The following SND1 variants were observed in gnomAD, a reference collection of about 807,000 sequenced individuals.
SND1 encodes staphylococcal nuclease domain-containing protein 1.
A neutral mutation model predicts 121.7 loss-of-function variants in SND1; 38 were observed. The observed-to-expected ratio is 0.31, with a 90% CI of 0.24 to 0.41. The LOEUF (loss-of-function observed/expected upper bound fraction) is 0.41. Ranked by LOEUF, SND1 falls within the 10% of genes least tolerant of loss-of-function variation. The probability of loss-of-function intolerance (pLI) is 1.00; values close to 1 mark genes in which losing one functional copy is unlikely to be tolerated. For missense variants in SND1, 868 were observed against 1,184.6 expected (o/e 0.73, Z 3.92); for synonymous variants, 401 against 447.4 (o/e 0.90, Z 1.31).
At chr7:127,990,674 G>T (rs1480239500) in intron 15 of SND1, among the ~76,000 whole-genome samples, 1 of 152,158 alleles carries the variant, frequency 6.6e-6, no homozygotes, top group African/African-American at 2.4e-5. Flanking sequence ...TACTTGGAAG[G>T]CTCCTTTCGC....
chr7:128,030,702 C>G, intron 16 of SND1: 3 of 1,512,330 alleles, frequency 2.0e-6, no homozygotes, highest in South Asian at 2.6e-5. Flanking sequence ...AGAACCAGCC[C>G]TACCCCGGCT....
chr7:127,892,744 T>C (rs1290465896), intron 13 of SND1, among the ~76,000 whole-genome samples: 2 of 152,102 alleles, frequency 1.3e-5, no homozygotes, highest in Admixed American at 6.5e-5. Context: ...AAGCCCTTGA[T>C]GTTGTCCCAC....
intron 14 of SND1, among the ~76,000 whole-genome samples, chr7:127,918,343 G>A (rs1800630225): frequency 6.6e-6 from 1 of 152,058 alleles, no homozygotes; most frequent in African/African-American, 2.4e-5. Flanking sequence ...TGAGATTACA[G>A]GCGTGAGTCA....
chr7:127,794,226 A>G (rs917626219), intron 10 of SND1, among the ~76,000 whole-genome samples: 3 of 152,178 alleles, frequency 2.0e-5, no homozygotes, highest in African/African-American at 7.2e-5. Context: ...TGGTGGATAA[A>G]ATATGTGGCA....
intron 16 of SND1, among the ~76,000 whole-genome samples, chr7:128,019,048 G>A (rs1563090300): frequency 6.6e-6 from 1 of 152,050 alleles, no homozygotes; most frequent in African/African-American, 2.4e-5. Context: ...TGTCCATTAT[G>A]TCTGAGCTTA....
At chr7:127,767,437 A>G (rs1797442221) in intron 10 of SND1, among the ~76,000 whole-genome samples, 1 of 152,210 alleles carries the variant, frequency 6.6e-6, no homozygotes, top group African/African-American at 2.4e-5. Flanking sequence ...AGCCCTGTCA[A>G]TATAGTTTGA....
At position 128,089,360 on chromosome 7, in the gene SND1, A is replaced by T. The variant is rs1039474749; in HGVS notation, c.2419-129A>T. 1.8e-5 allele frequency: 16 copies of T among 900,644 alleles called. 1 individual carries two copies. In the South Asian group the frequency reaches 1.9e-4, roughly 11 times the overall value. 55.8% of individuals were successfully genotyped at this position (900,644 alleles called of 1,614,324 possible). On this transcript the variant is annotated intron_variant, in intron 21 of 23. Transcript: ENST00000354725. ...TGAGCCACCGTGCCTGGCCAACCTC[A>T]CTAGGGTTCTCTGGGGAGAAAATTA...
chr7:127,911,887 A>G (rs1800464899), intron 14 of SND1, among the ~76,000 whole-genome samples: 1 of 152,112 alleles, frequency 6.6e-6, no homozygotes, highest in Non-Finnish European at 1.5e-5. Flanking sequence ...TCTGCCAGAG[A>G]GTTGCTTCAG....
chr7:128,055,154 C>A (rs552848854), intron 16 of SND1, among the ~76,000 whole-genome samples: 1 of 152,238 alleles, frequency 6.6e-6, no homozygotes, highest in Admixed American at 6.5e-5. Context: ...TTGTTTTGGT[C>A]AGAGCATGAA....
chr7:127,703,882 G>A (rs984397627), intron 7 of SND1, among the ~76,000 whole-genome samples: 6 of 152,162 alleles, frequency 3.9e-5, no homozygotes, highest in Non-Finnish European at 7.3e-5. Flanking sequence ...TTATCTAACT[G>A]TTTGGTCCTA....
intron 1 of SND1, among the ~76,000 whole-genome samples, chr7:127,664,256 G>A (rs1222108186): frequency 6.6e-6 from 1 of 152,178 alleles, no homozygotes; most frequent in Non-Finnish European, 1.5e-5. Flanking sequence ...GATTACAGGC[G>A]TGAGCCACTC....
chr7:127,966,679 G>A (rs1299964740), intron 15 of SND1, among the ~76,000 whole-genome samples: 1 of 102,424 alleles, frequency 9.8e-6, no homozygotes, highest in Non-Finnish European at 1.9e-5. Context: ...CAACATACCA[G>A]AATCTCTGGG....
intron 16 of SND1, among the ~76,000 whole-genome samples, chr7:128,046,830 G>A (rs1262678147): frequency 6.6e-6 from 1 of 152,134 alleles, no homozygotes; most frequent in Non-Finnish European, 1.5e-5. Flanking sequence ...GCAAATCAAA[G>A]TAAAACTAAT....
rs762608905 is a variant in SND1, at chr7:127,955,700, G to A, written c.1669+26371G>A. Among the ~76,000 whole-genome samples, 106 of 152,226 alleles carry A rather than the reference G, an allele frequency of 7.0e-4. 1 individual carries two copies. Among genetic ancestry groups the A allele is most frequent in the Admixed American group, 1.0e-3 (16 of 15,300 alleles). ...GGGTCTATAGAATCAGTTTATTCCA[G>A]TCTTTTGCTCTGACAGGATTCTGTC... On this transcript the variant is annotated intron_variant, in intron 15 of 23. Transcript: ENST00000354725.
chr7:127,777,620 C>A (rs1400881019), intron 10 of SND1, among the ~76,000 whole-genome samples: 1 of 152,156 alleles, frequency 6.6e-6, no homozygotes, highest in Non-Finnish European at 1.5e-5. Flanking sequence ...AACACACAAC[C>A]ATGATATACT....
rs189188611 is a variant in SND1, at chr7:127,835,913, A to G, written c.1243-8411A>G. 1.1e-3 allele frequency among the ~76,000 whole-genome samples: 164 copies of G among 152,214 alleles called. 2 individuals carry two copies. The Middle Eastern group carries it at 0.02, about 19-fold the overall frequency. On this transcript the variant is annotated intron_variant, in intron 11 of 23. Coordinates refer to ENST00000354725, the MANE Select transcript of SND1 (RefSeq NM_014390.4). ...CAGTATATTTTCAGATCATTTTATT[A>G]TGTTTGTTTTCAGGTTGTTATCACT...
chr7:128,086,230 G>A (rs150420353), intron 20 of SND1, among the ~76,000 whole-genome samples: 1 of 152,356 alleles, frequency 6.6e-6, no homozygotes, highest in African/African-American at 2.4e-5. Flanking sequence ...ACCCTTGGGA[G>A]AAAAATTTCT....
intron 10 of SND1, among the ~76,000 whole-genome samples, chr7:127,728,405 C>T (rs184732002): frequency 2.6e-4 from 39 of 152,318 alleles, no homozygotes; most frequent in Non-Finnish European, 4.7e-4. Context: ...CTTGTCTCTT[C>T]TCAGTCTCGT....
intron 12 of SND1, among the ~76,000 whole-genome samples, chr7:127,860,381 T>C (rs542722345): frequency 1.3e-5 from 2 of 152,298 alleles, no homozygotes; most frequent in South Asian, 4.1e-4. Flanking sequence ...TTTAAGTGAT[T>C]AGTTTGCTTG....
Sources: allele counts gnomAD v4.1 joint callset (sites outside exome capture counted in the v4.1 genomes callset), GRCh38; gene constraint gnomAD v4.1.1; transcripts MANE v1.5; gene names NCBI Gene and HGNC (gene_info 2026-07-23, HGNC 2026-07-21).